MAP3K14: variants seen among roughly 807,000 people sequenced by gnomAD.
MAP3K14 encodes the protein NF-kappa-beta-inducing kinase.
A neutral mutation model predicts 99.2 loss-of-function variants in MAP3K14; 16 were observed. The observed-to-expected ratio is 0.16, with a 90% CI of 0.11 to 0.24. The LOEUF (loss-of-function observed/expected upper bound fraction) is 0.24, where lower values mean the gene tolerates loss of function less well. Among genes scored for constraint, MAP3K14 ranks in the 10% least tolerant of loss-of-function variants. MAP3K14 has a pLI of 1.00. For synonymous variants in MAP3K14, 462 were observed against 492.4 expected (o/e 0.94, Z 0.82); for missense variants, 784 against 1,208.7 (o/e 0.65, Z 5.21).
chr17:45,273,618 G>A lies in MAP3K14; in HGVS notation c.1553-11C>T, dbSNP rs373425056. The A allele has an allele frequency of 9.4e-6, 15 of 1,601,638 alleles. No homozygotes were observed. The highest frequency in any genetic ancestry group is 5.1e-5 in the Admixed American group (3 of 59,030). The stretch of plus-strand genomic sequence containing the variant: ...GGAGCACGTTGTCAGCTGCCAGGCC[G>A]CCCCGGGGAGGAAGAGGAACAGGTG... On this transcript the variant is annotated splice_polypyrimidine_tract_variant and intron_variant, in intron 8 of 15. Coordinates refer to ENST00000344686, the MANE Select transcript of MAP3K14 (RefSeq NM_003954.5).
intron 1 of MAP3K14, among the ~76,000 whole-genome samples, chr17:45,297,664 CAA>C (rs2044355822): frequency 9.4e-5 from 14 of 148,770 alleles, no homozygotes; most frequent in Non-Finnish European, 1.9e-4. Flanking sequence ...GGAACTCAAA[CAA>C]TATGTTGGTC....
At chr17:45,284,678 C>G (rs2044249883) in intron 6 of MAP3K14, 134 bp downstream of exon 6, 3 of 1,192,204 alleles carry the variant, frequency 2.5e-6, no homozygotes, top group Non-Finnish European at 3.4e-6. Context: ...CCTCAGGTGG[C>G]TAGTGATAGC....
chr17:45,267,258 G>A lies in MAP3K14; in HGVS notation c.2327-60C>T. On this transcript the variant is annotated intron_variant, in intron 12 of 15. Coordinates refer to ENST00000344686, the MANE Select transcript of MAP3K14 (RefSeq NM_003954.5). The surrounding 1 kb of genome is among the most constrained non-coding windows in gnomAD (Gnocchi z 5.1). The stretch of plus-strand genomic sequence containing the variant: ...TGGGAGGAGGCTGGCTGTGTTTTCA[G>A]GGGTTCTTCCTGCACAGTCGGTAGA... 1 of 1,413,764 alleles carries A rather than the reference G, an allele frequency of 7.1e-7. No homozygotes were observed. Among genetic ancestry groups the A allele is most frequent in the Non-Finnish European group, 9.8e-7 (1 of 1,020,794 alleles). The allele number at this position is 1,413,764 out of a possible 1,614,324, so 87.6% of individuals were successfully genotyped here.
chr17:45,268,842 G>A (rs1423222662), intron 11 of MAP3K14, among the ~76,000 whole-genome samples: 2 of 152,112 alleles, frequency 1.3e-5, no homozygotes, highest in African/African-American at 4.8e-5. Flanking sequence ...TGCACCCAGG[G>A]GTAGAAGTCC....
At chr17:45,266,923 A>C (rs2044090690) in intron 13 of MAP3K14, among the ~76,000 whole-genome samples, 169 bp downstream of exon 13, 1 of 151,898 alleles carries the variant, frequency 6.6e-6, no homozygotes, top group African/African-American at 2.4e-5. Flanking sequence ...ACCTCCCCCA[A>C]CCTAGTGAGG....
At position 45,290,584 on chromosome 17, in the gene MAP3K14, C is replaced by T. The variant is rs1479113570; in HGVS notation, c.162G>A (p.Lys54=). 3.7e-6 allele frequency: 6 copies of T among 1,613,880 alleles called. No individual in the cohort carries two copies. The highest frequency in any genetic ancestry group is 5.1e-6 in the Non-Finnish European group (6 of 1,179,878). ...AVEKSPVFCG[K]WEILNDVITK... ...TAATCACGTCATTCAGGATCTCCCA[C>T]TTTCCGCAGAACACAGGGCTCTTCT... is the stretch of plus-strand genomic sequence containing the variant. Residue 54 remains lysine, a synonymous_variant, in exon 2 of 16, where the codon AAG becomes AAA. Coordinates refer to ENST00000344686, the MANE Select transcript of MAP3K14 (RefSeq NM_003954.5).
At chr17:45,281,268 T>C (rs1259529100) in intron 6 of MAP3K14, among the ~76,000 whole-genome samples, 1 of 151,880 alleles carries the variant, frequency 6.6e-6, no homozygotes, top group Non-Finnish European at 1.5e-5. Context: ...GGCTAATTTT[T>C]TTTCTTTGTA....
At chr17:45,292,498 C>A (rs1456230045) in intron 1 of MAP3K14, among the ~76,000 whole-genome samples, 1 of 152,096 alleles carries the variant, frequency 6.6e-6, no homozygotes, top group African/African-American at 2.4e-5. Context: ...GAGGTTGAGG[C>A]TGCAGTGAGC....
chr17:45,289,180 C>T lies in MAP3K14; in HGVS notation c.326+56G>A, dbSNP rs2106860. ...GAGCGGCCCAGGCAAGTGCTGGGGA[C>T]GAGGGCGCTGGGTCCAGTCCCCACC... On this transcript the variant is annotated intron_variant, in intron 3 of 15. Coordinates refer to ENST00000344686, the MANE Select transcript of MAP3K14 (RefSeq NM_003954.5). The T allele has an allele frequency of 1.8e-4, 274 of 1,528,244 alleles. No individual in the cohort carries two copies. The African/African-American group carries it at 1.9e-3, about 11-fold the overall frequency. 94.7% of individuals were successfully genotyped at this position (1,528,244 alleles called of 1,614,324 possible).
chr17:45,265,069 A>G, intron 15 of MAP3K14, 94 bp downstream of exon 15: 2 of 1,076,196 alleles, frequency 1.9e-6, no homozygotes. Flanking sequence ...CTAGAGTGCC[A>G]TTCTACTTCT....
intron 1 of MAP3K14, among the ~76,000 whole-genome samples, chr17:45,310,961 A>G (rs1239439134): frequency 6.6e-6 from 1 of 152,138 alleles, no homozygotes; most frequent in Non-Finnish European, 1.5e-5. Context: ...GCTTGCAGAA[A>G]GGCTGAGAGT....
chr17:45,284,680 A>G, intron 6 of MAP3K14, 132 bp downstream of exon 6: 1 of 1,193,458 alleles, frequency 8.4e-7, no homozygotes, highest in Non-Finnish European at 1.1e-6. Flanking sequence ...TCAGGTGGCT[A>G]GTGATAGCCA....
At chr17:45,283,345 G>A (rs1362390882) in intron 6 of MAP3K14, among the ~76,000 whole-genome samples, 1 of 152,212 alleles carries the variant, frequency 6.6e-6, no homozygotes, top group Non-Finnish European at 1.5e-5. Context: ...ATCCACACTG[G>A]CAAGAACTCG....
At chr17:45,265,062 G>C (rs1431107037) in intron 15 of MAP3K14, 101 bp downstream of exon 15, 4 of 1,002,574 alleles carry the variant, frequency 4.0e-6, no homozygotes, top group African/African-American at 1.6e-5. Flanking sequence ...GTATTCCCTA[G>C]AGTGCCATTC....
chr17:45,290,614 G>C lies in MAP3K14; in HGVS notation c.132C>G (p.Ala44=), dbSNP rs55740287. ...CGCAGAACACAGGGCTCTTCTCCAC[G>C]GCCTCAAGCTTGTAGACGGAGCTCT... is the stretch of plus-strand genomic sequence containing the variant. ...KKQSSVYKLE[A]VEKSPVFCGK... is the part of the protein sequence containing the mutation. The change falls in exon 2 of 16, where the codon GCC becomes GCG. Residue 44 remains alanine, a synonymous_variant. Transcript: ENST00000344686. The C allele has an allele frequency of 1.2e-6, 2 of 1,613,562 alleles. No homozygotes were observed. The highest frequency in any genetic ancestry group is 2.7e-5 in the African/African-American group (2 of 74,808).
intron 6 of MAP3K14, among the ~76,000 whole-genome samples, chr17:45,282,484 G>C (rs745839620): frequency 6.6e-6 from 1 of 151,488 alleles, no homozygotes; most frequent in African/African-American, 2.4e-5. Context: ...GGGTCTGTGG[G>C]GCTGAGGCTG....
chr17:45,285,901 A>AT (rs2044260534), intron 5 of MAP3K14, among the ~76,000 whole-genome samples: 1 of 150,056 alleles, frequency 6.7e-6, no homozygotes, highest in Non-Finnish European at 1.5e-5. Context: ...GTAGTGAGCT[A>AT]TGATTGTACG....
rs754044184 is a variant in MAP3K14 at position 45,286,609 on chromosome 17, C to T, written c.974G>A (p.Arg325His). ...CACAGAAAACTTCTCATGGGCACCA[C>T]GAGACAGGCAGCTGGGCTCCAGGTG... ...GPHLEPSCLS[R>H]GAHEKFSVEE... Residue 325 changes from arginine to histidine, a missense_variant, in exon 5 of 16, where the codon CGT becomes CAT. Coordinates refer to ENST00000344686, the MANE Select transcript of MAP3K14 (RefSeq NM_003954.5). This position sits in a 1 kb window ranked among gnomAD's most constrained non-coding sequence, Gnocchi z 4.1. 18 of 1,611,230 alleles carry T rather than the reference C, an allele frequency of 1.1e-5. No homozygotes were observed. The highest frequency in any genetic ancestry group is 8.0e-5 in the African/African-American group (6 of 74,866).
chr17:45,310,465 GA>G (rs1255044241), intron 1 of MAP3K14, among the ~76,000 whole-genome samples: 2 of 152,102 alleles, frequency 1.3e-5, no homozygotes, highest in Admixed American at 6.5e-5. Flanking sequence ...CCAGTAAAAG[GA>G]AACTTTAATG....
Sources: gnomAD v4.1 joint callset for allele counts (sites outside exome capture counted in the v4.1 genomes callset) on GRCh38, gnomAD v4.1.1 for gene constraint, Gnocchi (gnomAD v3.1) non-coding constraint, MANE v1.5 for transcripts, NCBI Gene and HGNC (gene_info 2026-07-23, HGNC 2026-07-21) for gene names.